Variants in HFM1 observed in about 807,000 individuals in gnomAD.
The protein encoded by HFM1 is helicase for meiosis 1.
Under a neutral mutation model 192.1 loss-of-function variants are expected in HFM1, and 169 were observed. The ratio of observed to expected loss-of-function variants is 0.88; its 90% CI spans 0.78 to 1.00. The LOEUF (loss-of-function observed/expected upper bound fraction) is 1.00. Ranked by LOEUF, HFM1 falls within the 50% of genes least tolerant of loss-of-function variation. The pLI is 0.00. For synonymous variants in HFM1, 525 were observed against 537.8 expected, an observed-to-expected ratio of 0.98 and a Z score of 0.33; for missense variants, 1,661 against 1,668.0, an observed-to-expected ratio of 1.00 and a Z score of 0.07.
At chr1:91,305,328 CTTCT>C (rs1649439460) in intron 30 of HFM1, among the ~76,000 whole-genome samples, 1 of 152,146 alleles carries the variant, frequency 6.6e-6, no homozygotes, top group African/African-American at 2.4e-5. Context: ...TTATTTAGAA[CTTCT>C]TTAATTTATT....
Position 91,400,610 on chromosome 1 carries a change from T to C in HFM1, c.71+402A>G, listed in dbSNP as rs1477027974. ...AATTCTCATGCCTCAGCCTCCCAAG[T>C]AGCTGGGATTAGAGGCATGCGCCAC... On this transcript the variant is annotated intron_variant, in intron 2 of 38. Transcript: ENST00000370425. 3.9e-5 allele frequency among the ~76,000 whole-genome samples: 6 copies of C among 152,002 alleles called. No homozygotes were observed. The East Asian group carries it at 1.2e-3, about 29-fold the overall frequency.
intron 1 of HFM1, 69 bp downstream of exon 1, chr1:91,404,729 C>T (rs1392336549): frequency 2.3e-6 from 1 of 427,430 alleles, no homozygotes; most frequent in East Asian, 8.5e-5. Flanking sequence ...CGGCTGGGTC[C>T]CCACTTCCCC....
chr1:91,385,831 T>C lies in HFM1; in HGVS notation c.498A>G (p.Leu166=), dbSNP rs889461886. The C allele has an allele frequency of 6.9e-6, 11 of 1,588,872 alleles. No individual in the cohort carries two copies. Among genetic ancestry groups the C allele is most frequent in the Middle Eastern group, 1.7e-4 (1 of 5,734 alleles). ...CATGTATATTGTCAGATATTTTAAA[T>C]AATCTGCAAACAAAAAAAAGACCCA... ...GESTSVFRKR[L]FKISDNIHGS... The change falls in exon 5 of 39, where the codon TTA becomes TTG. Residue 166 remains leucine (L), a synonymous_variant. Transcript: ENST00000370425.
At chr1:91,353,863 T>C (rs1184734100) in intron 13 of HFM1, among the ~76,000 whole-genome samples, 1 of 149,906 alleles carries the variant, frequency 6.7e-6, no homozygotes, top group Non-Finnish European at 1.5e-5. Flanking sequence ...CTCTATAAAT[T>C]TGAAAGAGGT....
chr1:91,368,334 G>C (rs1231714463), intron 13 of HFM1, among the ~76,000 whole-genome samples: 1 of 152,186 alleles, frequency 6.6e-6, no homozygotes, highest in Non-Finnish European at 1.5e-5. Flanking sequence ...AAAATGTTAA[G>C]AGTAGCCAGA....
rs775806818 is a variant in HFM1 at position 91,380,932 on chromosome 1, G to C, written c.853C>G (p.Gln285Glu). ...CTTACATCATCAAAGGCCTTGGACT[G>C]TATATAGTTGAAATATGGAAATTCT... The part of the protein sequence containing the change: ...FKEFPYFNYI[Q>E]SKAFDDLLYT... Residue 285 changes from glutamine (Q) to glutamate (E), a missense_variant, in exon 7 of 39, where the codon CAG becomes GAG. By Grantham distance (29) the Gln-to-Glu change is conservative. Coordinates refer to ENST00000370425, the MANE Select transcript of HFM1 (RefSeq NM_001017975.6). 1.4e-6 allele frequency: 2 copies of C among 1,457,004 alleles called. No homozygotes were observed. The highest frequency in any genetic ancestry group is 2.3e-5 in the East Asian group (1 of 43,874). 90.3% of individuals were successfully genotyped at this position (1,457,004 alleles called of 1,614,324 possible). A position where few individuals can be genotyped will look rare whatever the true frequency, so the allele number is the denominator to read the frequency against.
intron 13 of HFM1, among the ~76,000 whole-genome samples, chr1:91,367,988 A>C (rs996499765): frequency 6.6e-6 from 1 of 152,242 alleles, no homozygotes; most frequent in Non-Finnish European, 1.5e-5. Context: ...GATCAACTGG[A>C]AGAAAGGGTA....
chr1:91,279,204 A>G (rs902706512), intron 30 of HFM1, among the ~76,000 whole-genome samples: 6 of 152,118 alleles, frequency 3.9e-5, no homozygotes, highest in African/African-American at 9.7e-5. Flanking sequence ...CCTTGAGATG[A>G]CCCACAGTTC....
intron 30 of HFM1, among the ~76,000 whole-genome samples, chr1:91,287,420 G>A (rs971154742): frequency 5.3e-5 from 8 of 151,990 alleles, no homozygotes; most frequent in Non-Finnish European, 1.0e-4. Flanking sequence ...TCACACGTCC[G>A]GGTACTCCAA....
At chr1:91,354,207 G>A (rs1161921749) in intron 13 of HFM1, among the ~76,000 whole-genome samples, 1 of 151,516 alleles carries the variant, frequency 6.6e-6, no homozygotes, top group East Asian at 1.9e-4. Context: ...AAAATAGAGA[G>A]CTTCAACAGC....
In HFM1 at chr1:91,385,570, A is replaced by AT; in HGVS notation, c.754+4dup. ...ATAAAATGAACTGAAAAAGCAAGAA[A>AT]TTACCTTGAATATCATGAGGTTGGA... is the stretch of plus-strand genomic sequence containing the variant. On this transcript the variant is annotated splice_donor_region_variant and intron_variant, in intron 5 of 38. Transcript: ENST00000370425. The AT allele has an allele frequency of 6.2e-7, 1 of 1,606,660 alleles. No individual in the cohort carries two copies. Among genetic ancestry groups the AT allele is most frequent in the Non-Finnish European group, 8.5e-7 (1 of 1,175,230 alleles).
chr1:91,270,190 A>T (rs1043744617), intron 34 of HFM1, among the ~76,000 whole-genome samples: 1 of 152,194 alleles, frequency 6.6e-6, no homozygotes, highest in Non-Finnish European at 1.5e-5. Context: ...GAGTATCAGC[A>T]GAAAGGATAG....
At chr1:91,329,142 A>G in intron 20 of HFM1, 1 of 1,609,718 alleles carries the variant, frequency 6.2e-7, no homozygotes, top group Non-Finnish European at 8.5e-7. Flanking sequence ...GCACAAGAGC[A>G]TCGAGGAGAT....
intron 30 of HFM1, among the ~76,000 whole-genome samples, chr1:91,309,564 A>C (rs1650135789): frequency 1.3e-5 from 2 of 152,208 alleles, no homozygotes; most frequent in Admixed American, 1.3e-4. Context: ...TAAGAACAAA[A>C]ATATCTGCAA....
intron 20 of HFM1, 85 bp downstream of exon 20, chr1:91,343,345 C>A (rs1408911233): frequency 1.5e-5 from 8 of 540,318 alleles, no homozygotes; most frequent in East Asian, 4.2e-5. Context: ...TTAGTTTTAT[C>A]ACCATCTAAA....
intron 33 of HFM1, among the ~76,000 whole-genome samples, chr1:91,274,493 T>G (rs1666616203): frequency 6.6e-6 from 1 of 152,052 alleles, no homozygotes; most frequent in Non-Finnish European, 1.5e-5. Flanking sequence ...AGAGGATAGG[T>G]AGTTTCCTAG....
chr1:91,300,759 A>G (rs1384840169), intron 30 of HFM1, among the ~76,000 whole-genome samples: 3 of 152,184 alleles, frequency 2.0e-5, no homozygotes, highest in Non-Finnish European at 4.4e-5. Flanking sequence ...AACTCTCAAT[A>G]AATTAGTTAT....
chr1:91,277,844 AAT>A (rs1426737907), intron 30 of HFM1, among the ~76,000 whole-genome samples: 5 of 15,356 alleles, frequency 3.3e-4, no homozygotes, highest in African/African-American at 5.6e-4. Context: ...AATATATACT[AAT>A]ATATATTATA....
chr1:91,338,930 C>A (rs964205701), intron 20 of HFM1: 5 of 455,824 alleles, frequency 1.1e-5, no homozygotes, highest in African/African-American at 1.0e-4. Flanking sequence ...ACACCTCTAA[C>A]CCTCCAGTGC....
Sources: gnomAD v4.1 joint callset for allele counts (sites outside exome capture counted in the v4.1 genomes callset) on GRCh38, gnomAD v4.1.1 for gene constraint, MANE v1.5 for transcripts, NCBI Gene and HGNC (gene_info 2026-07-23, HGNC 2026-07-21) for gene names.